Variants in SOX5 observed in about 807,000 individuals in gnomAD.
SOX5 encodes the protein SRY-box transcription factor 5.
A neutral mutation model predicts 92.0 loss-of-function variants in SOX5; 9 were observed. That is an observed-to-expected ratio of 0.10 (90% CI 0.06 to 0.17). The LOEUF is 0.17. Among genes scored for constraint, SOX5 ranks in the 10% least tolerant of loss-of-function variants. The pLI is 1.00. For synonymous variants in SOX5, 344 were observed against 336.3 expected (o/e 1.02, Z -0.25); for missense variants, 642 against 944.5 (o/e 0.68, Z 4.20).
chr12:24,206,426 A>C (rs998007349), intron 4 of SOX5, among the ~76,000 whole-genome samples: 1 of 152,194 alleles, frequency 6.6e-6, no homozygotes, highest in African/African-American at 2.4e-5. Flanking sequence ...CAGACACTTA[A>C]GAGCCAGAAC....
chr12:24,110,286 A>C (rs1419877350), intron 4 of SOX5, among the ~76,000 whole-genome samples: 1 of 152,220 alleles, frequency 6.6e-6, no homozygotes, highest in Non-Finnish European at 1.5e-5. Flanking sequence ...AGTTGCTATC[A>C]TGTAAGAGAA....
chr12:23,614,128 G>C (rs946619967), intron 8 of SOX5, among the ~76,000 whole-genome samples: 14 of 152,094 alleles, frequency 9.2e-5, no homozygotes, highest in Non-Finnish European at 1.8e-4. Context: ...TGAAGTGGGG[G>C]CCAGGATCTG....
At chr12:24,274,592 C>T (rs983109836) in intron 3 of SOX5, among the ~76,000 whole-genome samples, 2 of 151,864 alleles carry the variant, frequency 1.3e-5, no homozygotes, top group African/African-American at 4.8e-5. Flanking sequence ...CAATCTGTCT[C>T]CAACGTCTAT....
At chr12:24,333,528 G>C (rs1951561713) in intron 2 of SOX5, among the ~76,000 whole-genome samples, 1 of 151,768 alleles carries the variant, frequency 6.6e-6, no homozygotes, top group Non-Finnish European at 1.5e-5. Context: ...ATTCACATCA[G>C]TATGATCATT....
At chr12:23,627,508 A>G (rs901100913) in intron 8 of SOX5, among the ~76,000 whole-genome samples, 5 of 152,168 alleles carry the variant, frequency 3.3e-5, no homozygotes, top group Non-Finnish European at 5.9e-5. Context: ...TGCCAGTTTT[A>G]TACCCTTGAA....
At chr12:23,590,407 C>T (rs1207634044) in intron 9 of SOX5, among the ~76,000 whole-genome samples, 1 of 151,940 alleles carries the variant, frequency 6.6e-6, no homozygotes, top group East Asian at 1.9e-4. Flanking sequence ...GTTTCTTTCT[C>T]CAAAATTCAG....
chr12:23,849,145 A>T (rs1271436958), intron 2 of SOX5, among the ~76,000 whole-genome samples: 2 of 152,190 alleles, frequency 1.3e-5, no homozygotes, highest in African/African-American at 4.8e-5. Flanking sequence ...AAAAGAAGAG[A>T]TTATATGAAA....
At chr12:24,226,012 T>C (rs972350369) in intron 3 of SOX5, among the ~76,000 whole-genome samples, 4 of 152,180 alleles carry the variant, frequency 2.6e-5, no homozygotes, top group Non-Finnish European at 5.9e-5. Context: ...ATCAATCTCT[T>C]AAGTGCTTCC....
At chr12:23,755,116 T>C (rs924353052) in intron 4 of SOX5, among the ~76,000 whole-genome samples, 6 of 151,804 alleles carry the variant, frequency 4.0e-5, no homozygotes, top group African/African-American at 1.4e-4. Flanking sequence ...ATATGAATAG[T>C]TTTATAGAAC....
intron 1 of SOX5, among the ~76,000 whole-genome samples, chr12:23,943,326 T>A (rs1943995330): frequency 6.6e-6 from 1 of 151,996 alleles, no homozygotes; most frequent in South Asian, 2.1e-4. Context: ...AATAAACAGC[T>A]TTCTGTTCAC....
At chr12:24,080,674 G>A (rs1029607684) in intron 4 of SOX5, among the ~76,000 whole-genome samples, 1 of 151,770 alleles carries the variant, frequency 6.6e-6, no homozygotes, top group Non-Finnish European at 1.5e-5. Flanking sequence ...AGTCACTTTG[G>A]TTCCAAAATA....
At chr12:24,501,691 G>A (rs1948221461) in intron 1 of SOX5, among the ~76,000 whole-genome samples, 1 of 151,970 alleles carries the variant, frequency 6.6e-6, no homozygotes, top group South Asian at 2.1e-4. Context: ...GCTGAGTGTT[G>A]TGGTGTGCAC....
At chr12:23,882,643 C>G (rs556990188) in intron 2 of SOX5, among the ~76,000 whole-genome samples, 3 of 152,016 alleles carry the variant, frequency 2.0e-5, no homozygotes, top group African/African-American at 7.2e-5. Context: ...GGATTACAAG[C>G]GCGATGGAAA....
At chr12:24,013,979 A>G (rs1433175378) in intron 4 of SOX5, among the ~76,000 whole-genome samples, 1 of 152,174 alleles carries the variant, frequency 6.6e-6, no homozygotes, top group Non-Finnish European at 1.5e-5. Context: ...TCTTCTTCCC[A>G]TTTGCAAATA....
chr12:24,171,199 T>C (rs1328986573), intron 4 of SOX5, among the ~76,000 whole-genome samples: 1 of 139,352 alleles, frequency 7.2e-6, no homozygotes, highest in African/African-American at 2.7e-5. Flanking sequence ...TTTATTTCAT[T>C]GGCCAACAGT....
chr12:24,529,356 T>G (rs1950977677), intron 1 of SOX5, among the ~76,000 whole-genome samples: 1 of 152,252 alleles, frequency 6.6e-6, no homozygotes. Flanking sequence ...TAAATTTGTC[T>G]GTAGTGGCAA....
intron 10 of SOX5, among the ~76,000 whole-genome samples, chr12:23,574,405 C>A (rs1948816192): frequency 6.6e-6 from 1 of 152,192 alleles, no homozygotes; most frequent in Admixed American, 6.5e-5. Context: ...TGCTCCAATT[C>A]TGGGCTCCCC....
At chr12:23,823,418 T>C (rs2096164219) in intron 3 of SOX5, among the ~76,000 whole-genome samples, 2 of 152,194 alleles carry the variant, frequency 1.3e-5, no homozygotes, top group African/African-American at 4.8e-5. Context: ...AAAATTCTTT[T>C]CTTTAAGAGT....
At chr12:23,733,620 A>C (rs1473499121) in intron 6 of SOX5, among the ~76,000 whole-genome samples, 2 of 152,182 alleles carry the variant, frequency 1.3e-5, no homozygotes, top group African/African-American at 4.8e-5. Flanking sequence ...AATCCATCAA[A>C]ATTAGGTGCG....
Sources: gnomAD v4.1 joint callset for allele counts (sites outside exome capture counted in the v4.1 genomes callset) on GRCh38, gnomAD v4.1.1 for gene constraint, MANE v1.5 for transcripts, NCBI Gene and HGNC (gene_info 2026-07-23, HGNC 2026-07-21) for gene names.